CST11: variants seen among roughly 807,000 people sequenced by gnomAD.
CST11 encodes the protein cystatin-11.
In CST11, 13 loss-of-function variants were observed where a neutral mutation model predicts 14.0. The observed-to-expected ratio is 0.93, with a 90% CI of 0.60 to 1.47. The LOEUF (loss-of-function observed/expected upper bound fraction) is 1.47. CST11 is among the 40% of genes most tolerant of loss of function. CST11 has a pLI of 0.00. For synonymous variants in CST11, 64 were observed against 57.8 expected, an observed-to-expected ratio of 1.11 and a Z score of -0.48; for missense variants, 181 against 160.0, an observed-to-expected ratio of 1.13 and a Z score of -0.71.
At position 23,451,935 on chromosome 20, in the gene CST11, C is replaced by T. The variant is rs375509708; in HGVS notation, c.229-15G>A. 5.3e-5 allele frequency: 84 copies of T among 1,595,656 alleles called. 1 individual carries two copies. The South Asian group carries it at 6.8e-4, about 13-fold the overall frequency. On this transcript the variant is annotated splice_polypyrimidine_tract_variant and intron_variant, in intron 1 of 2. Transcript: ENST00000377009. ...TGGTCAGTGACCTGTGGGCGCCAGGCGTGGGGGAGGCACAGCTTGTCCCCT... is the reference window on the plus strand; with the variant it reads ...TGGTCAGTGACCTGTGGGCGCCAGGTGTGGGGGAGGCACAGCTTGTCCCCT...
chr20:23,451,176 C>T (rs749550412), intron 2 of CST11, among the ~76,000 whole-genome samples: 12 of 152,304 alleles, frequency 7.9e-5, no homozygotes, highest in Non-Finnish European at 1.5e-4. Context: ...CTTCCTCTCC[C>T]TCAGTGCATG....
chr20:23,452,635 A>G lies in CST11; in HGVS notation c.177T>C (p.Ser59=). The G allele has an allele frequency of 6.2e-7, 1 of 1,614,024 alleles. No individual in the cohort carries two copies. The highest frequency in any genetic ancestry group is 8.5e-7 in the Non-Finnish European group (1 of 1,179,930). ...AGATCCTGAAGTGGTACTTGTCATC[A>G]CTTTCCTTGTTATACTGGTCGGTGA... ...QWITDQYNKE[S]DDKYHFRIFR... The change falls in exon 1 of 3, where the codon AGT becomes AGC. Residue 59 remains serine (S), a synonymous_variant. Coordinates refer to ENST00000377009, the MANE Select transcript of CST11 (RefSeq NM_130794.2).
At chr20:23,452,545 G>C (rs112473930) in intron 1 of CST11, 39 bp downstream of exon 1, 7 of 1,316,850 alleles carry the variant, frequency 5.3e-6, no homozygotes, top group Admixed American at 3.4e-5. Flanking sequence ...CGATGTGGGC[G>C]TATCAGGCCT....
rs202073384 is a variant in CST11 at position 23,450,521 on chromosome 20, G to A, written c.402C>T (p.Ser134=). 7.6e-5 allele frequency: 122 copies of A among 1,611,772 alleles called. No homozygotes were observed. In the East Asian group the frequency reaches 1.8e-3, roughly 24 times the overall value. Residue 134 remains serine (S), a synonymous_variant, in exon 3 of 3, where the codon AGC becomes AGT. Transcript: ENST00000377009. The part of the protein sequence containing the change: ...WFEQYKILNK[S]CSSD ...TCCAGGACACCTAGTCACTGCTGCA[G>A]CTTTTGTTCAAAATTTTGTACTGTT...
In CST11 at chr20:23,451,841, A is replaced by G; in HGVS notation, c.308T>C (p.Val103Ala). The stretch of plus-strand genomic sequence containing the variant: ...CTTGTGAAGCTCCCTTTCCTGGGGG[A>G]CACAGTTCGTGGTCTCTGGCTTTTG... ...TCQKPETTNC[V>A]PQERELHKQV... is the part of the protein sequence containing the mutation. Residue 103 changes from valine to alanine, a missense_variant, in exon 2 of 3, where the codon GTC becomes GCC. Physicochemically the swap from Val to Ala is moderately conservative, Grantham distance 64 (BLOSUM62 0). Transcript: ENST00000377009. 6.2e-7 allele frequency: 1 copy of G among 1,613,920 alleles called. No homozygotes were observed. The highest frequency in any genetic ancestry group is 8.5e-7 in the Non-Finnish European group (1 of 1,179,872).
chr20:23,452,579 C>A lies in CST11; in HGVS notation c.228+5G>T, dbSNP rs370761146. On this transcript the variant is annotated splice_donor_5th_base_variant and intron_variant, in intron 1 of 2. Coordinates refer to ENST00000377009, the MANE Select transcript of CST11 (RefSeq NM_130794.2). ...CTGGGGAGAGGCGGGAAGTCATACA[C>A]TCACCTGCCTCTGGACTTTAAGGAC... is the stretch of plus-strand genomic sequence containing the variant. 1.3e-6 allele frequency: 2 copies of A among 1,592,024 alleles called. No individual in the cohort carries two copies. Among genetic ancestry groups the A allele is most frequent in the South Asian group, 2.2e-5 (2 of 90,622 alleles).
intron 2 of CST11, among the ~76,000 whole-genome samples, 159 bp from the exon 3 acceptor site, chr20:23,450,748 C>T (rs1251123678): frequency 6.6e-6 from 1 of 152,176 alleles, no homozygotes; most frequent in African/African-American, 2.4e-5. Context: ...CTGGAATGAT[C>T]CCAGCAATGT....
intron 1 of CST11, 65 bp downstream of exon 1, chr20:23,452,519 G>A: frequency 3.0e-6 from 3 of 1,015,980 alleles, no homozygotes; most frequent in Non-Finnish European, 4.7e-6. Context: ...GACTATTCCT[G>A]ACACCAGTGG....
At chr20:23,451,996 C>T (rs1032264696) in intron 1 of CST11, 76 bp from the exon 2 acceptor site, 23 of 1,044,172 alleles carry the variant, frequency 2.2e-5, no homozygotes, top group Admixed American at 2.1e-4. Flanking sequence ...CTGGGGGCTC[C>T]GCTACCCCAC....
At chr20:23,452,469 C>G in intron 1 of CST11, 115 bp downstream of exon 1, 1 of 733,810 alleles carries the variant, frequency 1.4e-6, no homozygotes, top group South Asian at 1.6e-5. Context: ...TCTTAAAGTG[C>G]TCACATCAAG....
intron 2 of CST11, among the ~76,000 whole-genome samples, chr20:23,451,552 AG>A (rs1331690987): frequency 2.6e-5 from 4 of 152,138 alleles, no homozygotes; most frequent in Admixed American, 6.6e-5. Context: ...CCCTCGCCCC[AG>A]AGTGTGCCCC....
rs552714338 is a variant in CST11 at position 23,451,868 on chromosome 20, C to T, written c.281G>A (p.Cys94Tyr). The T allele has an allele frequency of 4.5e-5, 73 of 1,614,058 alleles. 2 individuals carry two copies. In the South Asian group the frequency reaches 7.7e-4, roughly 17 times the overall value. ...ACAGTTCGTGGTCTCTGGCTTTTGGCAGGTGGTCCACTGCATTTCCACATT... is the reference window on the plus strand; with the variant it reads ...ACAGTTCGTGGTCTCTGGCTTTTGGTAGGTGGTCCACTGCATTTCCACATT... ...HLNVEMQWTT[C>Y]QKPETTNCVP... The change falls in exon 2 of 3, where the codon TGC (cysteine) becomes TAC (tyrosine). Residue 94 changes from cysteine to tyrosine, a missense_variant. Cys to Tyr is a radical substitution (Grantham distance 194). Transcript: ENST00000377009.
rs1370390348 is a variant in CST11 at position 23,452,848 on chromosome 20, T to C, written c.-37A>G. 6.6e-7 allele frequency: 1 copy of C among 1,523,342 alleles called. No homozygotes were observed. The highest frequency in any genetic ancestry group is 1.1e-5 in the South Asian group (1 of 87,558). The allele number at this position is 1,523,342 out of a possible 1,614,324, so 94.4% of individuals were successfully genotyped here. On this transcript the variant is annotated 5_prime_UTR_variant, in exon 1 of 3. Transcript: ENST00000377009. ...AGAGGAACAGGAAGAGTGTTCTCTG[T>C]ACTCCTCAGGGACAAGTCGAATCAC...
chr20:23,450,820 G>A (rs982654316), intron 2 of CST11, among the ~76,000 whole-genome samples: 1 of 152,168 alleles, frequency 6.6e-6, no homozygotes. Flanking sequence ...TAAAGTGTCT[G>A]CGCAGCCCAT....
intron 2 of CST11, among the ~76,000 whole-genome samples, chr20:23,450,979 C>A (rs1274213145): frequency 6.6e-6 from 1 of 152,094 alleles, no homozygotes; most frequent in Non-Finnish European, 1.5e-5. Flanking sequence ...CATTCATCTA[C>A]CCATATGTCC....
Position 23,452,824 on chromosome 20 carries a change from G to GAGGAA in CST11, c.-18_-14dup. The GAGGAA allele has an allele frequency of 6.3e-7, 1 of 1,599,090 alleles. No homozygotes were observed. Among genetic ancestry groups the GAGGAA allele is most frequent in the Middle Eastern group, 1.7e-4 (1 of 6,008 alleles). On this transcript the variant is annotated 5_prime_UTR_variant, in exon 1 of 3. Transcript: ENST00000377009. Reference sequence around the variant, plus strand: ...GCTCAGCCATCATCCTTCAGCTGCAGAGGAACAGGAAGAGTGTTCTCTGTA... The same window carrying GAGGAA: ...GCTCAGCCATCATCCTTCAGCTGCAGAGGAAAGGAACAGGAAGAGTGTTCTCTGTA...
In CST11 at chr20:23,450,550, A is replaced by G. The variant is rs146499468; in HGVS notation, c.373T>C (p.Phe125Leu). The change falls in exon 3 of 3, where the codon TTT becomes CTT. Residue 125 changes from phenylalanine to leucine, a missense_variant. Physicochemically the swap from Phe to Leu is conservative, Grantham distance 22. Transcript: ENST00000377009. Reference sequence around the variant, plus strand: ...TTGTTCAAAATTTTGTACTGTTCAAACCAGGGTACAGCAAACACTGAGAAG... The same window carrying G: ...TTGTTCAAAATTTTGTACTGTTCAAGCCAGGGTACAGCAAACACTGAGAAG... ...CFFSVFAVPW[F>L]EQYKILNKSC... 2.3e-5 allele frequency: 37 copies of G among 1,612,476 alleles called. No homozygotes were observed. The highest frequency in any genetic ancestry group is 3.1e-5 in the Non-Finnish European group (37 of 1,178,672).
rs1389913892 is a variant in CST11 at position 23,452,602 on chromosome 20, G to C, written c.210C>G (p.Val70=). The C allele has an allele frequency of 6.2e-7, 1 of 1,612,140 alleles. No homozygotes were observed. Among genetic ancestry groups the C allele is most frequent in the Admixed American group, 1.7e-5 (1 of 60,014 alleles). ...DDKYHFRIFR[V]LKVQRQVTDH... The stretch of plus-strand genomic sequence containing the variant: ...CACTCACCTGCCTCTGGACTTTAAG[G>C]ACTCGGAAGATCCTGAAGTGGTACT... The change falls in exon 1 of 3, where the codon GTC becomes GTG. Residue 70 remains valine, a synonymous_variant. Coordinates refer to ENST00000377009, the MANE Select transcript of CST11 (RefSeq NM_130794.2).
At chr20:23,452,216 T>C (rs1227145767) in intron 1 of CST11, among the ~76,000 whole-genome samples, 1 of 152,232 alleles carries the variant, frequency 6.6e-6, no homozygotes, top group Non-Finnish European at 1.5e-5. Flanking sequence ...AAGGGCTACA[T>C]AGTAAACATC....
Sources: gnomAD v4.1 joint callset for allele counts (sites outside exome capture counted in the v4.1 genomes callset) on GRCh38, gnomAD v4.1.1 for gene constraint, MANE v1.5 for transcripts, NCBI Gene and HGNC (gene_info 2026-07-23, HGNC 2026-07-21) for gene names.